POLR3G: variants seen among roughly 807,000 people sequenced by gnomAD.
The protein encoded by POLR3G is RNA polymerase III subunit G.
In POLR3G, 28 loss-of-function variants were observed where a neutral mutation model predicts 30.1. That is an observed-to-expected ratio of 0.93 (90% CI 0.69 to 1.27). The LOEUF is 1.27. POLR3G is among the 50% of genes most tolerant of loss of function. The pLI is 0.00. For missense variants in POLR3G, 254 were observed against 264.6 expected, an observed-to-expected ratio of 0.96 and a Z score of 0.28; for synonymous variants, 79 against 82.5, an observed-to-expected ratio of 0.96 and a Z score of 0.23.
At chr5:90,504,564 A>G (rs994783979) in intron 6 of POLR3G, among the ~76,000 whole-genome samples, 14 of 148,304 alleles carry the variant, frequency 9.4e-5, no homozygotes, top group Non-Finnish European at 1.9e-4. Context: ...TCCCATCTCA[A>G]AAAAAAAAAA....
intron 2 of POLR3G, among the ~76,000 whole-genome samples, chr5:90,486,165 T>C (rs1393024194): frequency 1.3e-5 from 2 of 152,236 alleles, no homozygotes; most frequent in Non-Finnish European, 2.9e-5. Context: ...GTGAGTATGC[T>C]GCAAGCTTAA....
At position 90,488,087 on chromosome 5, in the gene POLR3G, A is replaced by G. The variant is rs755774623; in HGVS notation, c.205A>G (p.Lys69Glu). ...GAAACAGGAGTTGAGAGAAACAATG[A>G]AAAGAATGCCTTATTTTATTGAAAC... ...ALKQELRETM[K>E]RMPYFIETPE... The change falls in exon 3 of 8, where the codon AAA becomes GAA. Residue 69 changes from lysine to glutamate, a missense_variant. By Grantham distance (56) the Lys-to-Glu change is moderately conservative. Coordinates refer to ENST00000651687, the MANE Select transcript of POLR3G (RefSeq NM_006467.3). 2 of 1,611,672 alleles carry G rather than the reference A, an allele frequency of 1.2e-6. No homozygotes were observed. The highest frequency in any genetic ancestry group is 1.7e-6 in the Non-Finnish European group (2 of 1,178,956).
rs1752796183 is a variant in POLR3G at position 90,512,729 on chromosome 5, A to C, written c.*590A>C. The C allele has an allele frequency of 6.6e-6, 1 of 152,594 alleles. No homozygotes were observed. The highest frequency in any genetic ancestry group is 1.5e-5 in the Non-Finnish European group (1 of 68,024). 9.5% of individuals were successfully genotyped at this position (152,594 alleles called of 1,614,324 possible). ...GGAAAAATACCAAACTGAGCAATAT[A>C]AATTTCACAGCTCACATCTTAGCCA... On this transcript the variant is annotated 3_prime_UTR_variant, in exon 8 of 8. Coordinates refer to ENST00000651687, the MANE Select transcript of POLR3G (RefSeq NM_006467.3).
At chr5:90,493,377 G>A (rs1751827215) in intron 3 of POLR3G, among the ~76,000 whole-genome samples, 1 of 151,852 alleles carries the variant, frequency 6.6e-6, no homozygotes, top group Non-Finnish European at 1.5e-5. Context: ...CTCCCAAGTA[G>A]CTGGAACCAC....
chr5:90,486,789 A>C (rs528873254), intron 2 of POLR3G, among the ~76,000 whole-genome samples: 1 of 152,188 alleles, frequency 6.6e-6, no homozygotes, highest in Admixed American at 6.5e-5. Context: ...ATTGTATGTC[A>C]CCTCATTTGT....
rs1751941823 is a variant in POLR3G at position 90,495,571 on chromosome 5, A to G, written c.248-106A>G. On this transcript the variant is annotated intron_variant, in intron 3 of 7. Coordinates refer to ENST00000651687, the MANE Select transcript of POLR3G (RefSeq NM_006467.3). ...CAAAGGTGGGAAACTCCCTGTATGTAAAATTAAAAATGTTGTCTGTTGTTT... is the reference window on the plus strand; with the variant it reads ...CAAAGGTGGGAAACTCCCTGTATGTGAAATTAAAAATGTTGTCTGTTGTTT... 3 of 1,474,838 alleles carry G rather than the reference A, an allele frequency of 2.0e-6. No individual in the cohort carries two copies. The East Asian group carries it at 8.0e-5, about 39-fold the overall frequency. The allele number at this position is 1,474,838 out of a possible 1,614,324, so 91.4% of individuals were successfully genotyped here.
chr5:90,511,445 G>C (rs1396142764), intron 7 of POLR3G, among the ~76,000 whole-genome samples: 1 of 152,048 alleles, frequency 6.6e-6, no homozygotes, highest in Non-Finnish European at 1.5e-5. Context: ...AGATACTGGA[G>C]GCCCGGAAAA....
chr5:90,493,155 T>C (rs2151907685), intron 3 of POLR3G, among the ~76,000 whole-genome samples: 1 of 116,978 alleles, frequency 8.5e-6, no homozygotes, highest in East Asian at 3.2e-4. Context: ...CTTTGCCCAT[T>C]TTGGTTAAAT....
chr5:90,511,360 A>G (rs995680907), intron 7 of POLR3G, among the ~76,000 whole-genome samples: 46 of 152,348 alleles, frequency 3.0e-4, no homozygotes, highest in African/African-American at 1.0e-3. Context: ...AACAGAATCC[A>G]AATACAATCC....
chr5:90,476,087 AG>A (rs1750800950), intron 1 of POLR3G, among the ~76,000 whole-genome samples: 1 of 152,228 alleles, frequency 6.6e-6, no homozygotes, highest in African/African-American at 2.4e-5. Context: ...AAAATGATAA[AG>A]AGACTCATGA....
chr5:90,479,067 C>T (rs1750992372), intron 1 of POLR3G, among the ~76,000 whole-genome samples: 1 of 152,078 alleles, frequency 6.6e-6, no homozygotes, highest in South Asian at 2.1e-4. Flanking sequence ...TAGATTTGCT[C>T]ATCAAATCAC....
chr5:90,474,551 C>A (rs1439457248), upstream of POLR3G: 3 of 508,278 alleles, frequency 5.9e-6, no homozygotes, highest in African/African-American at 3.9e-5. Context: ...CACGGGGGCG[C>A]AGGAGCTACC....
At chr5:90,474,305 T>C (rs73771266), upstream of POLR3G, 3,698 of 1,610,604 alleles carry the variant, frequency 2.3e-3, 45 homozygotes, top group African/African-American at 0.018. Context: ...TGGGCAGGGG[T>C]GCAGCCAGGC....
At chr5:90,493,666 C>T (rs1025590212) in intron 3 of POLR3G, among the ~76,000 whole-genome samples, 15 of 137,892 alleles carry the variant, frequency 1.1e-4, no homozygotes, top group African/African-American at 3.7e-4. Context: ...GCAATCAACA[C>T]CACTATTTAA....
At chr5:90,477,470 C>T (rs1750891782) in intron 1 of POLR3G, among the ~76,000 whole-genome samples, 1 of 152,078 alleles carries the variant, frequency 6.6e-6, no homozygotes, top group Admixed American at 6.6e-5. Flanking sequence ...AGGGTCTGAA[C>T]TGAAGCAGAG....
rs757249121 is a variant in POLR3G at position 90,495,734 on chromosome 5, G to T, written c.304+1G>T. The T allele has an allele frequency of 1.3e-6, 2 of 1,595,922 alleles. No individual in the cohort carries two copies. Among genetic ancestry groups the T allele is most frequent in the South Asian group, 2.3e-5 (2 of 86,790 alleles). On this transcript the variant is annotated splice_donor_variant, in intron 4 of 7. Coordinates refer to ENST00000651687, the MANE Select transcript of POLR3G (RefSeq NM_006467.3). LOFTEE classifies it high-confidence loss of function. ...GTATACAAGGAAGAATGGATACCAGGTAACTACAAAACACACAATATGAAA... is the reference window on the plus strand; with the variant it reads ...GTATACAAGGAAGAATGGATACCAGTTAACTACAAAACACACAATATGAAA...
chr5:90,495,731 C>A lies in POLR3G; in HGVS notation c.302C>A (p.Pro101Gln). 6.3e-7 allele frequency: 1 copy of A among 1,594,830 alleles called. No individual in the cohort carries two copies. The highest frequency in any genetic ancestry group is 8.5e-7 in the Non-Finnish European group (1 of 1,171,818). The stretch of plus-strand genomic sequence containing the variant: ...AAGGTATACAAGGAAGAATGGATAC[C>A]AGGTAACTACAAAACACACAATATG... ...YMKVYKEEWI[P>Q]DWRRLPREMM... Residue 101 changes from proline to glutamine, a missense_variant and splice_region_variant, in exon 4 of 8, where the codon CCA becomes CAA. Pro to Gln is a moderately conservative substitution (Grantham distance 76). Transcript: ENST00000651687.
chr5:90,511,517 G>A (rs1300284671), intron 7 of POLR3G, among the ~76,000 whole-genome samples: 1 of 151,918 alleles, frequency 6.6e-6, no homozygotes, highest in Non-Finnish European at 1.5e-5. Context: ...TGAGTTATTT[G>A]CATGGATGAT....
intron 6 of POLR3G, 23 bp downstream of exon 6, chr5:90,502,011 C>A (rs748802265): frequency 2.5e-6 from 4 of 1,604,058 alleles, no homozygotes; most frequent in Non-Finnish European, 3.4e-6. Flanking sequence ...TCTTACTATA[C>A]AAGTGAACTG....
Sources: gnomAD v4.1 joint callset for allele counts (sites outside exome capture counted in the v4.1 genomes callset) on GRCh38, gnomAD v4.1.1 for gene constraint, MANE v1.5 for transcripts, NCBI Gene and HGNC (gene_info 2026-07-23, HGNC 2026-07-21) for gene names.